The following ACOT7 variants were observed in gnomAD, a reference collection of about 807,000 sequenced individuals.
The protein encoded by ACOT7 is cytosolic acyl coenzyme A thioester hydrolase.
In ACOT7, 12 loss-of-function variants were observed where a neutral mutation model predicts 40.2. The ratio of observed to expected loss-of-function variants is 0.30; its 90% confidence interval spans 0.19 to 0.48. The LOEUF is 0.48. Ranked by LOEUF, ACOT7 falls within the 20% of genes least tolerant of loss-of-function variation. The probability of loss-of-function intolerance (pLI) is 0.99; values close to 1 mark genes in which losing one functional copy is unlikely to be tolerated. For synonymous variants in ACOT7, 228 were observed against 219.5 expected (o/e 1.04, Z -0.34); for missense variants, 395 against 530.8 (o/e 0.74, Z 2.51).
At chr1:6,391,599 G>A (rs1042735180) in intron 1 of ACOT7, among the ~76,000 whole-genome samples, 2 of 152,318 alleles carry the variant, frequency 1.3e-5, no homozygotes, top group South Asian at 2.1e-4. Flanking sequence ...GTAAATAAAA[G>A]GCCAGCCTTC....
intron 6 of ACOT7, among the ~76,000 whole-genome samples, chr1:6,300,495 C>T (rs554157759): frequency 2.6e-5 from 4 of 151,812 alleles, no homozygotes; most frequent in Middle Eastern, 3.2e-3. Context: ...CACCGGACCC[C>T]ACCCGATCCT....
intron 6 of ACOT7, among the ~76,000 whole-genome samples, chr1:6,297,808 T>C (rs1300233992): frequency 2.6e-5 from 4 of 151,836 alleles, no homozygotes; most frequent in Non-Finnish European, 5.9e-5. Context: ...GGGAAAGAGG[T>C]GAGGCAGGAA....
chr1:6,357,976 C>G (rs1641794662), intron 1 of ACOT7, among the ~76,000 whole-genome samples: 1 of 151,882 alleles, frequency 6.6e-6, no homozygotes, highest in African/African-American at 2.4e-5. Flanking sequence ...AAGTGATTCT[C>G]CTACCTCAGC....
intron 6 of ACOT7, among the ~76,000 whole-genome samples, chr1:6,296,398 C>A (rs1363806359): frequency 6.6e-6 from 1 of 152,066 alleles, no homozygotes; most frequent in African/African-American, 2.4e-5. Context: ...CCTGGTACAA[C>A]ACATATATTA....
chr1:6,303,081 C>T (rs1402345564), intron 6 of ACOT7, among the ~76,000 whole-genome samples: 7 of 152,306 alleles, frequency 4.6e-5, no homozygotes, highest in African/African-American at 1.2e-4. Context: ...CACTTTCTTC[C>T]GCTGTATTTA....
At chr1:6,347,117 C>T (rs1000631862) in intron 2 of ACOT7, among the ~76,000 whole-genome samples, 6 of 149,846 alleles carry the variant, frequency 4.0e-5, no homozygotes, top group Non-Finnish European at 7.4e-5. Flanking sequence ...AGTGTGGATG[C>T]GGGGGTCCCC....
At chr1:6,372,968 C>CG (rs1005841757) in intron 1 of ACOT7, among the ~76,000 whole-genome samples, 5 of 151,948 alleles carry the variant, frequency 3.3e-5, no homozygotes, top group African/African-American at 9.7e-5. Flanking sequence ...AGGGAGCTCA[C>CG]GAAAAGGGAG....
At position 6,274,965 on chromosome 1, in the gene ACOT7, AGCG is replaced by A. The variant is rs1330718319; in HGVS notation, c.1014+6134_1014+6136del. Among the ~76,000 whole-genome samples, 2 of 152,182 alleles carry A rather than the reference AGCG, an allele frequency of 1.3e-5. No individual in the cohort carries two copies. The highest frequency in any genetic ancestry group is 4.8e-5 in the African/African-American group (2 of 41,444). ...CACAGTGGCATCGATGACAGCAGTGAGCGGCCCCCTTTCCCAGTCAGTGAAGTC... is the reference window on the plus strand; with the variant it reads ...CACAGTGGCATCGATGACAGCAGTGAGCCCCCTTTCCCAGTCAGTGAAGTC... On this transcript the variant is annotated intron_variant, in intron 8 of 8. Coordinates refer to ENST00000361521, the MANE Select transcript of ACOT7 (RefSeq NM_007274.4). This position sits in a 1 kb window ranked among gnomAD's most constrained non-coding sequence, Gnocchi z 5.9.
At chr1:6,318,426 G>T in intron 6 of ACOT7, 66 bp downstream of exon 6, 2 of 1,522,954 alleles carry the variant, frequency 1.3e-6, no homozygotes, top group Non-Finnish European at 1.8e-6. Flanking sequence ...ACAGCAGCAC[G>T]GCTGCCAGAG....
intron 1 of ACOT7, among the ~76,000 whole-genome samples, chr1:6,363,709 TCA>T (rs1314362584): frequency 2.0e-5 from 3 of 152,110 alleles, no homozygotes; most frequent in Non-Finnish European, 2.9e-5. Flanking sequence ...TGGAGATGAT[TCA>T]CACTCTTTAC....
At chr1:6,324,828 C>A (rs1571308483) in intron 5 of ACOT7, among the ~76,000 whole-genome samples, 1 of 152,266 alleles carries the variant, frequency 6.6e-6, no homozygotes, top group Non-Finnish European at 1.5e-5. Context: ...AATTTAACCA[C>A]ATCTGCAAAG....
Position 6,390,956 on chromosome 1 carries a change from A to G in ACOT7, c.143+2301T>C, listed in dbSNP as rs757327859. ...CTCAAAAACAAACAAACAAACAAAC[A>G]AAAAGCACACACTTACTGTATGGAA... On this transcript the variant is annotated intron_variant, in intron 1 of 8. Transcript: ENST00000361521. Among the ~76,000 whole-genome samples, 7 of 151,872 alleles carry G rather than the reference A, an allele frequency of 4.6e-5. 1 individual carries two copies. Among genetic ancestry groups the G allele is most frequent in the Non-Finnish European group, 1.0e-4 (7 of 67,994 alleles).
intron 6 of ACOT7, among the ~76,000 whole-genome samples, chr1:6,316,627 T>A (rs147697945): frequency 0.01 from 1,534 of 152,244 alleles, 26 homozygotes; most frequent in African/African-American, 0.035. Flanking sequence ...CTGGCCAACA[T>A]AGTAAAACCC....
At chr1:6,269,021 A>G (rs1414809424) in intron 8 of ACOT7, among the ~76,000 whole-genome samples, 1 of 152,208 alleles carries the variant, frequency 6.6e-6, no homozygotes, top group African/African-American at 2.4e-5. Flanking sequence ...ATAAGGGGAT[A>G]TTCCCTGCGC....
intron 1 of ACOT7, among the ~76,000 whole-genome samples, chr1:6,353,243 T>C (rs1571335565): frequency 1.3e-5 from 2 of 151,874 alleles, no homozygotes; most frequent in Non-Finnish European, 2.9e-5. Context: ...CACTTGAGCC[T>C]GGGAAGAGTA....
In ACOT7 at chr1:6,276,993, C is replaced by G. The variant is rs879723631; in HGVS notation, c.1014+4109G>C. Among the ~76,000 whole-genome samples the G allele has an allele frequency of 9.2e-5, 14 of 152,046 alleles. No individual in the cohort carries two copies. The East Asian group carries it at 1.2e-3, about 13-fold the overall frequency. Reference sequence around the variant, plus strand: ...GCCCTCCTCCTGCACTCTGACCACCCCCCCCCAGGGTATGGAGTTCTGGAA... The same window carrying G: ...GCCCTCCTCCTGCACTCTGACCACCGCCCCCCAGGGTATGGAGTTCTGGAA... On this transcript the variant is annotated intron_variant, in intron 8 of 8. Transcript: ENST00000361521.
rs1639263812 is a variant in ACOT7 at position 6,278,464 on chromosome 1, G to GGTGGGC, written c.1014+2632_1014+2637dup. On this transcript the variant is annotated intron_variant, in intron 8 of 8. Transcript: ENST00000361521. The surrounding 1 kb of genome is among the most constrained non-coding windows in gnomAD (Gnocchi z 4.1). ...TCGGGAGAGGAGTGGAGCGGCACTG[G>GGTGGGC]GTGGGCGTGGGCATGGGGGGAGTAG... 6.6e-6 allele frequency among the ~76,000 whole-genome samples: 1 copy of GGTGGGC among 152,172 alleles called. No homozygotes were observed. The highest frequency in any genetic ancestry group is 2.4e-5 in the African/African-American group (1 of 41,416).
At chr1:6,310,361 G>A (rs1640296659) in intron 6 of ACOT7, among the ~76,000 whole-genome samples, 1 of 152,238 alleles carries the variant, frequency 6.6e-6, no homozygotes, top group Non-Finnish European at 1.5e-5. Context: ...ACCACTCGGG[G>A]TGCGATCAAC....
intron 7 of ACOT7, among the ~76,000 whole-genome samples, chr1:6,287,940 G>C (rs1639551494): frequency 2.0e-5 from 3 of 152,136 alleles, no homozygotes; most frequent in Non-Finnish European, 1.5e-5. Flanking sequence ...CACCCTAATA[G>C]TGGAGATCGT....
Sources: gnomAD v4.1 joint callset for allele counts (sites outside exome capture counted in the v4.1 genomes callset) on GRCh38, gnomAD v4.1.1 for gene constraint, Gnocchi (gnomAD v3.1) non-coding constraint, MANE v1.5 for transcripts, NCBI Gene and HGNC (gene_info 2026-07-23, HGNC 2026-07-21) for gene names.